Variants in KIF27 observed in about 807,000 individuals in gnomAD.
KIF27 encodes the protein kinesin-like protein KIF27.
A neutral mutation model predicts 141.8 loss-of-function variants in KIF27; 84 were observed. The observed-to-expected ratio is 0.59, with a 90% CI of 0.50 to 0.71. The LOEUF (loss-of-function observed/expected upper bound fraction) is 0.71. Ranked by LOEUF, KIF27 falls within the 30% of genes least tolerant of loss-of-function variation. The probability of loss-of-function intolerance (pLI) is 0.00; values close to 1 mark genes in which losing one functional copy is unlikely to be tolerated. For missense variants in KIF27, 1,306 were observed against 1,628.4 expected (o/e 0.80, Z 3.41); for synonymous variants, 471 against 569.5 (o/e 0.83, Z 2.46).
At chr9:83,918,069 ACC>A in intron 1 of KIF27, among the ~76,000 whole-genome samples, 1 of 152,178 alleles carries the variant, frequency 6.6e-6, no homozygotes, top group Non-Finnish European at 1.5e-5. Flanking sequence ...AATAAGTAAG[ACC>A]CAGCCTGGGC....
intron 13 of KIF27, among the ~76,000 whole-genome samples, chr9:83,862,564 T>G: frequency 6.6e-6 from 1 of 152,188 alleles, no homozygotes. Flanking sequence ...ACCATGCTGT[T>G]TTGGTTACTG....
intron 2 of KIF27, among the ~76,000 whole-genome samples, chr9:83,912,098 G>A (rs1179698715): frequency 6.6e-6 from 1 of 152,104 alleles, no homozygotes; most frequent in Non-Finnish European, 1.5e-5. Flanking sequence ...AAAAAAAAGT[G>A]TATGAGATAA....
intron 13 of KIF27, among the ~76,000 whole-genome samples, chr9:83,866,660 A>G (rs1309450787): frequency 1.3e-5 from 2 of 152,062 alleles, no homozygotes; most frequent in Non-Finnish European, 2.9e-5. Flanking sequence ...GGCGGATCAC[A>G]AGGTCAGAAG....
chr9:83,897,198 C>A (rs1418213061), intron 5 of KIF27, among the ~76,000 whole-genome samples: 2 of 152,014 alleles, frequency 1.3e-5, no homozygotes, highest in Non-Finnish European at 2.9e-5. Flanking sequence ...GAAGGCCTTG[C>A]TCTACAAAAT....
At chr9:83,890,464 T>C (rs1243583537) in intron 6 of KIF27, among the ~76,000 whole-genome samples, 1 of 152,240 alleles carries the variant, frequency 6.6e-6, no homozygotes, top group East Asian at 1.9e-4. Flanking sequence ...GGGAATTATT[T>C]AAGGAGCAAA....
intron 15 of KIF27, among the ~76,000 whole-genome samples, chr9:83,852,262 T>C (rs1268233710): frequency 2.0e-5 from 3 of 150,126 alleles, no homozygotes; most frequent in African/African-American, 7.4e-5. Flanking sequence ...CTGTCTAACA[T>C]GGTAAAACCC....
At chr9:83,875,844 A>G (rs1202805812) in intron 11 of KIF27, among the ~76,000 whole-genome samples, 1 of 152,280 alleles carries the variant, frequency 6.6e-6, no homozygotes, top group South Asian at 2.1e-4. Context: ...GCTGGAGAGG[A>G]TAAGAGAATG....
chr9:83,887,005 C>T (rs1952167589), intron 9 of KIF27, 36 bp downstream of exon 9: 1 of 1,497,886 alleles, frequency 6.7e-7, no homozygotes, highest in Non-Finnish European at 8.8e-7. Flanking sequence ...AAGAAGTTTT[C>T]TTTCTCATTT....
chr9:83,840,083 C>G (rs553953845), intron 17 of KIF27, among the ~76,000 whole-genome samples: 129 of 152,234 alleles, frequency 8.5e-4, no homozygotes, highest in Admixed American at 1.9e-3. Context: ...ATAATTCAAA[C>G]AAACCTTGTT....
chr9:83,891,387 C>A lies in KIF27; in HGVS notation c.1717G>T (p.Ala573Ser). 6.2e-7 allele frequency: 1 copy of A among 1,613,880 alleles called. No individual in the cohort carries two copies. Among genetic ancestry groups the A allele is most frequent in the South Asian group, 1.1e-5 (1 of 91,076 alleles). Reference protein sequence around the residue: ...AKENCGDGPDARIPERRPYTV... With the variant: ...AKENCGDGPDSRIPERRPYTV... Reference sequence around the variant, plus strand: ...TATGGTCTCCTTTCAGGGATCCTGGCATCTGGCCCATCTCCACAATTTTCT... The same window carrying A: ...TATGGTCTCCTTTCAGGGATCCTGGAATCTGGCCCATCTCCACAATTTTCT... The change falls in exon 6 of 18, where the codon GCC becomes TCC. Residue 573 changes from alanine to serine, a missense_variant. Transcript: ENST00000297814.
At chr9:83,913,354 A>G (rs1296363645) in intron 2 of KIF27, among the ~76,000 whole-genome samples, 3 of 152,244 alleles carry the variant, frequency 2.0e-5, no homozygotes, top group South Asian at 2.1e-4. Context: ...TGCATGGTCT[A>G]TAACCAAAAA....
Position 83,891,319 on chromosome 9 carries a change from G to C in KIF27, c.1785C>G (p.Ile595Met), listed in dbSNP as rs780163512. ...CCTTCCTGGAATCTTGTCTTGATGG[G>C]ATATAAATATAATGCCCCAAATGAG... is the stretch of plus-strand genomic sequence containing the variant. ...FDTHLGHYIYIPSRQDSRKVH... is the reference protein window; with the variant it reads ...FDTHLGHYIYMPSRQDSRKVH... The change falls in exon 6 of 18, where the codon ATC becomes ATG. Residue 595 changes from isoleucine to methionine, a missense_variant. Ile to Met is a conservative substitution (Grantham distance 10). Around this residue, in one of 4 missense-constraint regions of KIF27, gnomAD observed 596 missense variants for 751.6 expected, o/e 0.79. Coordinates refer to ENST00000297814, the MANE Select transcript of KIF27 (RefSeq NM_017576.4). 1.2e-6 allele frequency: 2 copies of C among 1,612,970 alleles called. No individual in the cohort carries two copies. The highest frequency in any genetic ancestry group is 3.3e-5 in the Admixed American group (2 of 59,950).
intron 11 of KIF27, among the ~76,000 whole-genome samples, chr9:83,876,884 T>C (rs1371591817): frequency 6.6e-6 from 1 of 152,008 alleles, no homozygotes; most frequent in Admixed American, 6.6e-5. Flanking sequence ...AAAACCAGCC[T>C]GGGAAATATA....
intron 15 of KIF27, among the ~76,000 whole-genome samples, chr9:83,853,074 A>G (rs1000302376): frequency 8.5e-5 from 13 of 152,248 alleles, no homozygotes; most frequent in African/African-American, 1.4e-4. Context: ...TCTCAATGCT[A>G]TGAAACATCT....
chr9:83,912,635 T>C (rs914748883), intron 2 of KIF27, among the ~76,000 whole-genome samples: 9 of 152,196 alleles, frequency 5.9e-5, no homozygotes, highest in African/African-American at 2.2e-4. Context: ...AGCTCCAATA[T>C]GTATTTTGAT....
At chr9:83,852,774 G>A (rs1469484466) in intron 15 of KIF27, among the ~76,000 whole-genome samples, 6 of 152,046 alleles carry the variant, frequency 3.9e-5, no homozygotes, top group Admixed American at 3.9e-4. Flanking sequence ...GACTACAGGT[G>A]TATGCTACCA....
At chr9:83,893,830 A>G (rs920580018) in intron 5 of KIF27, among the ~76,000 whole-genome samples, 16 of 152,100 alleles carry the variant, frequency 1.1e-4, no homozygotes, top group Non-Finnish European at 2.2e-4. Flanking sequence ...AAAGTCAAAA[A>G]TTGTCTCTTT....
chr9:83,909,727 T>C (rs1406794939), intron 2 of KIF27, among the ~76,000 whole-genome samples: 11 of 151,978 alleles, frequency 7.2e-5, no homozygotes, highest in Non-Finnish European at 1.6e-4. Context: ...TAGAAATGTA[T>C]ATTTTAATAT....
At chr9:83,850,479 T>A (rs1319335966) in intron 15 of KIF27, among the ~76,000 whole-genome samples, 182 bp from the exon 16 acceptor site, 2 of 152,140 alleles carry the variant, frequency 1.3e-5, no homozygotes, top group African/African-American at 4.8e-5. Flanking sequence ...TAACAGCCTT[T>A]TGAATTTGTT....
Sources: allele counts gnomAD v4.1 joint callset (sites outside exome capture counted in the v4.1 genomes callset), GRCh38; gene constraint gnomAD v4.1.1; regional missense constraint gnomAD v4.1.1; transcripts MANE v1.5; gene names NCBI Gene and HGNC (gene_info 2026-07-23, HGNC 2026-07-21).